LEPR: variants seen among roughly 807,000 people sequenced by gnomAD.
LEPR encodes the protein OB receptor.
LEPR carries 56 observed loss-of-function variants against 114.7 expected under a neutral mutation model. The ratio of observed to expected loss-of-function variants is 0.49; its 90% CI spans 0.39 to 0.61. LEPR has a LOEUF of 0.61. LEPR is among the 20% of genes least tolerant of loss of function. The probability of loss-of-function intolerance (pLI) is 0.00; values close to 1 mark genes in which losing one functional copy is unlikely to be tolerated. For synonymous variants in LEPR, 443 were observed against 461.4 expected (o/e 0.96, Z 0.51); for missense variants, 1,202 against 1,352.9 (o/e 0.89, Z 1.75).
At chr1:65,534,464 A>T (rs1218970769) in intron 2 of LEPR, among the ~76,000 whole-genome samples, 1 of 152,178 alleles carries the variant, frequency 6.6e-6, no homozygotes, top group East Asian at 1.9e-4. Context: ...TTGAGAGCTT[A>T]CTCGGGGCTA....
At chr1:65,450,725 C>T (rs1433626230) in intron 2 of LEPR, among the ~76,000 whole-genome samples, 24 of 145,950 alleles carry the variant, frequency 1.6e-4, no homozygotes, top group Non-Finnish European at 2.0e-4. Context: ...TGAATAATGC[C>T]GCAATAAACA....
intron 2 of LEPR, among the ~76,000 whole-genome samples, chr1:65,546,602 C>G (rs914574910): frequency 1.2e-4 from 18 of 152,084 alleles, no homozygotes; most frequent in African/African-American, 3.4e-4. Flanking sequence ...TGATTTGGCT[C>G]TCTGTTTGTC....
intron 14 of LEPR, among the ~76,000 whole-genome samples, chr1:65,615,567 T>C (rs1483466892): frequency 2.0e-5 from 3 of 152,182 alleles, no homozygotes; most frequent in Admixed American, 6.5e-5. Flanking sequence ...TATATGATGA[T>C]TAACACCTTC....
At chr1:65,458,077 C>G (rs1346480991) in intron 2 of LEPR, among the ~76,000 whole-genome samples, 1 of 152,184 alleles carries the variant, frequency 6.6e-6, no homozygotes, top group Non-Finnish European at 1.5e-5. Context: ...AACCATAGTG[C>G]TGAGAACAGC....
chr1:65,599,431 T>C (rs1656296846), intron 8 of LEPR, among the ~76,000 whole-genome samples: 2 of 152,146 alleles, frequency 1.3e-5, no homozygotes, highest in Non-Finnish European at 2.9e-5. Context: ...GCAAAATTTT[T>C]CTTGTTCAGA....
chr1:65,511,022 A>C (rs1649002963), intron 2 of LEPR, among the ~76,000 whole-genome samples: 1 of 152,272 alleles, frequency 6.6e-6, no homozygotes, highest in East Asian at 1.9e-4. Flanking sequence ...CACAAAAAAA[A>C]CAAAACAAAA....
chr1:65,616,510 T>C (rs1657532649), intron 15 of LEPR, among the ~76,000 whole-genome samples: 1 of 152,160 alleles, frequency 6.6e-6, no homozygotes, highest in African/African-American at 2.4e-5. Context: ...CCAATGGAGA[T>C]CTTTAGGTCA....
intron 2 of LEPR, among the ~76,000 whole-genome samples, chr1:65,436,507 T>G (rs1646564777): frequency 6.6e-6 from 1 of 152,232 alleles, no homozygotes; most frequent in South Asian, 2.1e-4. Flanking sequence ...AAGTGTAAAG[T>G]TAAACTTTTA....
intron 2 of LEPR, among the ~76,000 whole-genome samples, chr1:65,452,999 T>C (rs1232280334): frequency 1.3e-5 from 2 of 152,232 alleles, no homozygotes; most frequent in Non-Finnish European, 2.9e-5. Context: ...CTTCCTGGTT[T>C]AGTCTTGGGA....
intron 3 of LEPR, among the ~76,000 whole-genome samples, chr1:65,569,688 CAA>C (rs1654017603): frequency 1.1e-5 from 1 of 91,886 alleles, no homozygotes; most frequent in Non-Finnish European, 2.0e-5. Context: ...GCCTGAGCAA[CAA>C]GAGCGAAATT....
intron 2 of LEPR, among the ~76,000 whole-genome samples, chr1:65,488,881 T>C (rs574089371): frequency 1.3e-5 from 2 of 152,326 alleles, no homozygotes; most frequent in South Asian, 4.1e-4. Flanking sequence ...TTTGTCTTTC[T>C]GTGCCTGGCT....
chr1:65,629,490 C>T (rs1031014629), intron 19 of LEPR: 2 of 193,318 alleles, frequency 1.0e-5, no homozygotes, highest in Non-Finnish European at 2.1e-5. Context: ...TCAGTGGTTC[C>T]GATGTCAAAG....
intron 6 of LEPR, among the ~76,000 whole-genome samples, chr1:65,595,545 TAATAC>T (rs1477570474): frequency 1.3e-5 from 2 of 152,140 alleles, no homozygotes; most frequent in Non-Finnish European, 2.9e-5. Flanking sequence ...CTGAAATTTA[TAATAC>T]GTCTCATAAA....
intron 2 of LEPR, among the ~76,000 whole-genome samples, chr1:65,518,029 G>A (rs1317314073): frequency 6.6e-6 from 1 of 152,136 alleles, no homozygotes; most frequent in Non-Finnish European, 1.5e-5. Flanking sequence ...CATTTGGTAT[G>A]CCTATTAAAA....
intron 3 of LEPR, among the ~76,000 whole-genome samples, chr1:65,570,002 T>C (rs1171454682): frequency 1.3e-5 from 2 of 152,192 alleles, no homozygotes; most frequent in Non-Finnish European, 2.9e-5. Flanking sequence ...GAAAGCAGTG[T>C]TAATATTTTG....
chr1:65,626,883 C>T (rs57412330), intron 19 of LEPR, among the ~76,000 whole-genome samples: 33,890 of 151,962 alleles, frequency 0.22, 4,103 homozygotes, highest in South Asian at 0.33. Context: ...GATCCACCCA[C>T]CTCAGCCTCC....
upstream of LEPR, chr1:65,420,653 C>G (rs996932050): frequency 5.2e-6 from 8 of 1,534,928 alleles, no homozygotes; most frequent in East Asian, 1.0e-4. Context: ...GGGCGACTCC[C>G]GGTCTGGCTT....
chr1:65,633,391 A>G lies in LEPR; in HGVS notation c.2674-2800A>G, dbSNP rs1312703864. On this transcript the variant is annotated intron_variant, in intron 19 of 19. Transcript: ENST00000349533. The surrounding 1 kb of genome is among the most constrained non-coding windows in gnomAD (Gnocchi z 4.1). The stretch of plus-strand genomic sequence containing the variant: ...GATTTGAGTCCAGTTTGGATGTGTG[A>G]TTAATTTTCAAATCATCTAAAGTTT... The G allele has an allele frequency of 7.5e-7, 1 of 1,326,556 alleles. No individual in the cohort carries two copies. The highest frequency in any genetic ancestry group is 1.5e-5 in the African/African-American group (1 of 67,270). The allele number at this position is 1,326,556 out of a possible 1,614,324, so 82.2% of individuals were successfully genotyped here.
Position 65,420,678 on chromosome 1 carries a change from G to A in LEPR, c.-159G>A, listed in dbSNP as rs751663879. The A allele has an allele frequency of 3.8e-5, 59 of 1,564,494 alleles. No individual in the cohort carries two copies. Among genetic ancestry groups the A allele is most frequent in the Non-Finnish European group, 2.8e-5 (32 of 1,156,322 alleles). The stretch of plus-strand genomic sequence containing the variant: ...CGGTCTGGCTTGGGCAGGCTGCCCG[G>A]GCCGTGGCAGGAAGCCGGAAGCAGC... On this transcript the variant is annotated 5_prime_UTR_variant, in exon 1 of 20. Coordinates refer to ENST00000349533, the MANE Select transcript of LEPR (RefSeq NM_002303.6).
Sources: allele counts gnomAD v4.1 joint callset (sites outside exome capture counted in the v4.1 genomes callset), GRCh38; gene constraint gnomAD v4.1.1; non-coding constraint Gnocchi (gnomAD v3.1); transcripts MANE v1.5; gene names NCBI Gene and HGNC (gene_info 2026-07-23, HGNC 2026-07-21).